Variants in RSU1 observed in about 807,000 individuals in gnomAD.
RSU1 encodes Ras suppressor protein 1.
In RSU1, 26 loss-of-function variants were observed where a neutral mutation model predicts 31.1. The observed-to-expected ratio is 0.84, with a 90% confidence interval of 0.61 to 1.16. RSU1 has a LOEUF of 1.16. Ranked by LOEUF, RSU1 falls within the 50% of genes most tolerant of loss-of-function variation. The pLI is 0.00. For missense variants in RSU1, 320 were observed against 339.1 expected, an observed-to-expected ratio of 0.94 and a Z score of 0.44; for synonymous variants, 164 against 136.3, an observed-to-expected ratio of 1.20 and a Z score of -1.41.
chr10:16,817,084 T>C lies in RSU1; in HGVS notation c.-3A>G. 6.2e-7 allele frequency: 1 copy of C among 1,608,648 alleles called. No individual in the cohort carries two copies. The highest frequency in any genetic ancestry group is 8.5e-7 in the Non-Finnish European group (1 of 1,174,980). ...AACTTCTTCAGAGACTTGGACATGGTCTGCACCGAACAACAACAAAGCACG... is the reference window on the plus strand; with the variant it reads ...AACTTCTTCAGAGACTTGGACATGGCCTGCACCGAACAACAACAAAGCACG... On this transcript the variant is annotated splice_region_variant and 5_prime_UTR_variant, in exon 2 of 9. Transcript: ENST00000345264.
intron 8 of RSU1, among the ~76,000 whole-genome samples, chr10:16,680,098 T>A (rs1835302271): frequency 6.6e-6 from 1 of 151,930 alleles, no homozygotes; most frequent in Non-Finnish European, 1.5e-5. Context: ...GCCAGTCTGG[T>A]TTCAAACTCC....
intron 7 of RSU1, among the ~76,000 whole-genome samples, chr10:16,731,722 T>A (rs1428460856): frequency 6.6e-6 from 1 of 152,228 alleles, no homozygotes; most frequent in Non-Finnish European, 1.5e-5. Context: ...CTTGTTTTAA[T>A]CTGCATTTCA....
At chr10:16,599,265 T>C (rs3892846) in intron 8 of RSU1, among the ~76,000 whole-genome samples, 3,014 of 152,324 alleles carry the variant, frequency 0.02, 98 homozygotes, top group African/African-American at 0.067. Context: ...CAAAAAACTT[T>C]TGTCCTGACC....
chr10:16,738,165 G>A (rs187390087), intron 7 of RSU1, among the ~76,000 whole-genome samples: 16 of 152,296 alleles, frequency 1.1e-4, no homozygotes, highest in Admixed American at 3.9e-4. Context: ...AAAAAGAAGA[G>A]GCCGGGCACG....
At chr10:16,617,298 A>C (rs1833994298) in intron 8 of RSU1, among the ~76,000 whole-genome samples, 1 of 152,208 alleles carries the variant, frequency 6.6e-6, no homozygotes, top group Non-Finnish European at 1.5e-5. Flanking sequence ...GGAACTCTTC[A>C]AGGAGAACTA....
At chr10:16,745,531 T>C (rs956786854) in intron 7 of RSU1, among the ~76,000 whole-genome samples, 1 of 152,150 alleles carries the variant, frequency 6.6e-6, no homozygotes, top group South Asian at 2.1e-4. Context: ...CTTACATGAA[T>C]GGCAGGAGCC....
intron 8 of RSU1, among the ~76,000 whole-genome samples, chr10:16,635,803 C>T (rs1834334739): frequency 6.6e-6 from 1 of 152,226 alleles, no homozygotes; most frequent in Admixed American, 6.5e-5. Flanking sequence ...CACGGGTAAG[C>T]TTCTAGCCCC....
chr10:16,765,552 G>T (rs1325289687), intron 3 of RSU1, among the ~76,000 whole-genome samples: 1 of 152,094 alleles, frequency 6.6e-6, no homozygotes, highest in African/African-American at 2.4e-5. Flanking sequence ...AAAGCCAAAG[G>T]CATCTTTATC....
chr10:16,668,568 TA>T (rs947984194), intron 8 of RSU1, among the ~76,000 whole-genome samples: 9 of 152,340 alleles, frequency 5.9e-5, no homozygotes, highest in African/African-American at 2.2e-4. Context: ...TTGAACATCA[TA>T]AAACATTTGA....
At chr10:16,679,381 A>G (rs3886147) in intron 8 of RSU1, among the ~76,000 whole-genome samples, 19,967 of 152,188 alleles carry the variant, frequency 0.13, 1,473 homozygotes, top group East Asian at 0.35. Context: ...AAACTTACAT[A>G]CAGTACATAC....
At chr10:16,624,848 G>A (rs1264944175) in intron 8 of RSU1, among the ~76,000 whole-genome samples, 1 of 152,014 alleles carries the variant, frequency 6.6e-6, no homozygotes, top group African/African-American at 2.4e-5. Context: ...AAAAAGTTCA[G>A]ACTGACTCCC....
intron 8 of RSU1, among the ~76,000 whole-genome samples, chr10:16,630,662 C>G (rs1171926456): frequency 6.6e-6 from 1 of 152,220 alleles, no homozygotes; most frequent in Non-Finnish European, 1.5e-5. Context: ...CCCCACGCTA[C>G]AGGTGCGTTT....
intron 8 of RSU1, among the ~76,000 whole-genome samples, chr10:16,655,001 C>CT (rs375696366): frequency 2.5e-4 from 36 of 144,600 alleles, no homozygotes; most frequent in African/African-American, 8.4e-4. Context: ...GAAATCGAGG[C>CT]TGCAGTGAGC....
At chr10:16,742,199 G>A (rs1445119875) in intron 7 of RSU1, among the ~76,000 whole-genome samples, 2 of 152,162 alleles carry the variant, frequency 1.3e-5, no homozygotes, top group East Asian at 3.9e-4. Context: ...AAACTTCACA[G>A]GAGTATAAAT....
chr10:16,707,287 C>T (rs145105518), intron 7 of RSU1, among the ~76,000 whole-genome samples: 1,969 of 152,180 alleles, frequency 0.013, 42 homozygotes, highest in African/African-American at 0.045. Context: ...TATGGTAGTC[C>T]TATTTTTAAT....
chr10:16,604,217 A>C (rs968444541), intron 8 of RSU1, among the ~76,000 whole-genome samples: 9 of 152,166 alleles, frequency 5.9e-5, no homozygotes, highest in Non-Finnish European at 1.2e-4. Context: ...AAGTAATAAA[A>C]ATCAACACAG....
intron 8 of RSU1, among the ~76,000 whole-genome samples, chr10:16,680,314 A>G (rs894556359): frequency 2.0e-5 from 3 of 152,148 alleles, no homozygotes; most frequent in Admixed American, 2.0e-4. Context: ...GACATAAGAA[A>G]GGCAATCTGA....
Position 16,764,660 on chromosome 10 carries a change from C to T in RSU1, c.161-150G>A, listed in dbSNP as rs1041831941. ...ACCTACCGGTCTTATTTATTTTTTA[C>T]AGGTTTTTCATAAGCAGTCACTCAC... On this transcript the variant is annotated intron_variant, in intron 3 of 8. Coordinates refer to ENST00000345264, the MANE Select transcript of RSU1 (RefSeq NM_012425.4). The T allele has an allele frequency of 4.0e-5, 33 of 817,758 alleles. No individual in the cohort carries two copies. In the African/African-American group the frequency reaches 5.4e-4, roughly 13 times the overall value. 50.7% of individuals were successfully genotyped at this position (817,758 alleles called of 1,614,324 possible).
chr10:16,674,016 G>A (rs892029047), intron 8 of RSU1, among the ~76,000 whole-genome samples: 1 of 152,122 alleles, frequency 6.6e-6, no homozygotes, highest in Non-Finnish European at 1.5e-5. Flanking sequence ...GCATCCTGAG[G>A]CTCTCAGCAG....
Sources: gnomAD v4.1 joint callset for allele counts (sites outside exome capture counted in the v4.1 genomes callset) on GRCh38, gnomAD v4.1.1 for gene constraint, MANE v1.5 for transcripts, NCBI Gene and HGNC (gene_info 2026-07-23, HGNC 2026-07-21) for gene names.